The following NEK10 variants were observed in gnomAD, a reference collection of about 807,000 sequenced individuals.
NEK10 encodes serine/threonine-protein kinase Nek10.
Under a neutral mutation model 159.8 loss-of-function variants are expected in NEK10, and 122 were observed. That is an observed-to-expected ratio of 0.76 (90% CI 0.66 to 0.89). NEK10 has a LOEUF of 0.89. NEK10 is among the 40% of genes least tolerant of loss of function. The probability of loss-of-function intolerance (pLI) is 0.00; values close to 1 mark genes in which losing one functional copy is unlikely to be tolerated. For synonymous variants in NEK10, 466 were observed against 457.1 expected (o/e 1.02, Z -0.25); for missense variants, 1,342 against 1,323.1 (o/e 1.01, Z -0.22).
chr3:27,213,148 T>C (rs574430559), intron 23 of NEK10, among the ~76,000 whole-genome samples: 1 of 152,336 alleles, frequency 6.6e-6, no homozygotes, highest in African/African-American at 2.4e-5. Flanking sequence ...CTCCCACCTG[T>C]GAAGCATACT....
At chr3:27,112,479 G>A (rs6800365) in intron 35 of NEK10, among the ~76,000 whole-genome samples, 15,903 of 152,118 alleles carry the variant, frequency 0.1, 2,765 homozygotes, top group African/African-American at 0.36. Context: ...TTGCAATGAC[G>A]ATGATGACAA....
chr3:27,140,664 T>G (rs1303931753), intron 31 of NEK10, among the ~76,000 whole-genome samples: 1 of 152,190 alleles, frequency 6.6e-6, no homozygotes, highest in Non-Finnish European at 1.5e-5. Context: ...TTAGTTGGAA[T>G]TGCCAAAACT....
At chr3:27,279,796 A>T (rs2042018709) in intron 22 of NEK10, among the ~76,000 whole-genome samples, 1 of 152,160 alleles carries the variant, frequency 6.6e-6, no homozygotes, top group South Asian at 2.1e-4. Flanking sequence ...TGCTAGCCTC[A>T]CCAGTATGCC....
chr3:27,121,877 G>A (rs1324554881), intron 32 of NEK10, among the ~76,000 whole-genome samples: 3 of 151,716 alleles, frequency 2.0e-5, no homozygotes, highest in Non-Finnish European at 2.9e-5. Context: ...GGTCGTATGG[G>A]TGAAAATGTG....
intron 22 of NEK10, among the ~76,000 whole-genome samples, chr3:27,284,356 A>C (rs185762559): frequency 9.0e-4 from 137 of 152,320 alleles, no homozygotes; most frequent in African/African-American, 2.7e-3. Flanking sequence ...ACTGCACTCC[A>C]GCCTGGGTGA....
At chr3:27,358,142 C>T (rs2048444887) in intron 1 of NEK10, among the ~76,000 whole-genome samples, 1 of 152,098 alleles carries the variant, frequency 6.6e-6, no homozygotes, top group South Asian at 2.1e-4. Context: ...AACACTTGTA[C>T]CTATATGGGT....
chr3:27,222,353 AC>A (rs1952202773), intron 23 of NEK10, among the ~76,000 whole-genome samples: 1 of 152,368 alleles, frequency 6.6e-6, no homozygotes, highest in African/African-American at 2.4e-5. Context: ...AGCCTGGGCG[AC>A]AGCGAGACTC....
chr3:27,227,205 A>G (rs775093286), intron 23 of NEK10, among the ~76,000 whole-genome samples: 2 of 152,230 alleles, frequency 1.3e-5, no homozygotes, highest in Non-Finnish European at 2.9e-5. Flanking sequence ...AGAAATTGAT[A>G]CATGACAGAG....
chr3:27,147,168 G>T (rs560259610), intron 30 of NEK10, among the ~76,000 whole-genome samples: 8 of 152,260 alleles, frequency 5.3e-5, no homozygotes, highest in Admixed American at 3.3e-4. Context: ...GAACCAAGGG[G>T]GCTGAGGTCA....
intron 22 of NEK10, among the ~76,000 whole-genome samples, chr3:27,261,649 G>C (rs1380245035): frequency 6.6e-6 from 1 of 152,146 alleles, no homozygotes; most frequent in African/African-American, 2.4e-5. Flanking sequence ...CCAACTATGT[G>C]GTCAATTTTG....
intron 20 of NEK10, among the ~76,000 whole-genome samples, chr3:27,285,191 C>A (rs1219186045): frequency 6.6e-6 from 1 of 152,038 alleles, no homozygotes; most frequent in Admixed American, 6.6e-5. Flanking sequence ...ACAGACAACC[C>A]CTTAGCATAA....
At chr3:27,271,314 T>C (rs540133507) in intron 22 of NEK10, among the ~76,000 whole-genome samples, 66 of 152,258 alleles carry the variant, frequency 4.3e-4, no homozygotes, top group Non-Finnish European at 7.9e-4. Context: ...TGGCTTGCTA[T>C]CTTTCCCCTT....
At chr3:27,179,785 A>G (rs1947883772) in intron 26 of NEK10, among the ~76,000 whole-genome samples, 1 of 152,200 alleles carries the variant, frequency 6.6e-6, no homozygotes, top group Non-Finnish European at 1.5e-5. Context: ...TTAACATTTA[A>G]AAGAAACAAT....
intron 31 of NEK10, among the ~76,000 whole-genome samples, chr3:27,138,681 A>G (rs1435384237): frequency 6.6e-6 from 1 of 152,228 alleles, no homozygotes; most frequent in East Asian, 1.9e-4. Context: ...GAGCCCATAC[A>G]GATAGGATTT....
At chr3:27,291,450 C>G (rs749331282) in intron 17 of NEK10, 34 bp downstream of exon 17, 1 of 1,601,068 alleles carries the variant, frequency 6.2e-7, no homozygotes, top group African/African-American at 1.3e-5. Context: ...GACTACATAG[C>G]AGCCTGCCAA....
At chr3:27,229,635 A>G (rs1953020077) in intron 23 of NEK10, among the ~76,000 whole-genome samples, 1 of 152,160 alleles carries the variant, frequency 6.6e-6, no homozygotes, top group African/African-American at 2.4e-5. Context: ...CTAGGAAATG[A>G]ATAAAAAATT....
intron 31 of NEK10, among the ~76,000 whole-genome samples, chr3:27,137,301 T>C (rs1196224595): frequency 3.3e-5 from 5 of 152,198 alleles, no homozygotes; most frequent in Non-Finnish European, 4.4e-5. Flanking sequence ...AAGATATTTA[T>C]AATAGTTTTA....
At chr3:27,134,753 C>T (rs1943009897) in intron 31 of NEK10, among the ~76,000 whole-genome samples, 3 of 152,042 alleles carry the variant, frequency 2.0e-5, no homozygotes, top group South Asian at 2.1e-4. Context: ...ATGGACAGCA[C>T]CCCATCTTTG....
chr3:27,201,029 T>C (rs1259532891), intron 25 of NEK10, among the ~76,000 whole-genome samples: 1 of 152,182 alleles, frequency 6.6e-6, no homozygotes, highest in Non-Finnish European at 1.5e-5. Context: ...ACTCCTGCTA[T>C]AGTGATAGCT....
Sources: gnomAD v4.1 joint callset for allele counts (sites outside exome capture counted in the v4.1 genomes callset) on GRCh38, gnomAD v4.1.1 for gene constraint, MANE v1.5 for transcripts, NCBI Gene and HGNC (gene_info 2026-07-23, HGNC 2026-07-21) for gene names.